Variants in DIP2B observed in about 807,000 individuals in gnomAD.
DIP2B encodes DIP2 acetate--CoA ligase B (putative).
Under a neutral mutation model 198.0 loss-of-function variants are expected in DIP2B, and 76 were observed. The ratio of observed to expected loss-of-function variants is 0.38; its 90% confidence interval spans 0.32 to 0.46. The LOEUF (loss-of-function observed/expected upper bound fraction) is 0.46. Among genes scored for constraint, DIP2B ranks in the 20% least tolerant of loss-of-function variants. The pLI, the probability that DIP2B is intolerant of heterozygous loss-of-function variation, is 0.99. For missense variants in DIP2B, 1,559 were observed against 1,978.4 expected (o/e 0.79, Z 4.02); for synonymous variants, 701 against 739.1 (o/e 0.95, Z 0.84).
chr12:50,630,733 G>A (rs933994261), intron 2 of DIP2B, among the ~76,000 whole-genome samples: 3 of 135,918 alleles, frequency 2.2e-5, no homozygotes, highest in South Asian at 2.4e-4. Context: ...GTGCAATGGC[G>A]TGATCTCGGC....
intron 4 of DIP2B, among the ~76,000 whole-genome samples, chr12:50,664,280 G>A (rs1367891010): frequency 6.6e-6 from 1 of 152,184 alleles, no homozygotes; most frequent in Non-Finnish European, 1.5e-5. Context: ...GTTGGCATGG[G>A]AAATAATTTG....
intron 1 of DIP2B, among the ~76,000 whole-genome samples, chr12:50,520,675 CATAGCT>C (rs1958109362): frequency 6.6e-6 from 1 of 152,144 alleles, no homozygotes; most frequent in Admixed American, 6.6e-5. Flanking sequence ...ACCCCTATAT[CATAGCT>C]ATTTTTAAAA....
intron 1 of DIP2B, among the ~76,000 whole-genome samples, chr12:50,591,699 G>A (rs779551598): frequency 6.6e-5 from 10 of 151,200 alleles, no homozygotes; most frequent in Non-Finnish European, 8.8e-5. Flanking sequence ...GACTAAAGCG[G>A]TCATCCCACC....
chr12:50,591,075 C>G (rs1958814656), intron 1 of DIP2B, among the ~76,000 whole-genome samples: 1 of 152,146 alleles, frequency 6.6e-6, no homozygotes, highest in Non-Finnish European at 1.5e-5. Context: ...GCAAGAGGGC[C>G]CTTACCAGAC....
At chr12:50,559,313 CTTTT>C (rs11301460) in intron 1 of DIP2B, among the ~76,000 whole-genome samples, 5 of 123,034 alleles carry the variant, frequency 4.1e-5, no homozygotes, top group Admixed American at 8.1e-5. Context: ...AATTATTTGT[CTTTT>C]TTTTTTTTTT....
intron 2 of DIP2B, among the ~76,000 whole-genome samples, chr12:50,633,089 T>C (rs902747838): frequency 1.3e-5 from 2 of 152,078 alleles, no homozygotes; most frequent in African/African-American, 2.4e-5. Flanking sequence ...TTGTGAATGA[T>C]TTTTTTTGTG....
chr12:50,739,774 A>G (rs1382957049), intron 36 of DIP2B, among the ~76,000 whole-genome samples, 188 bp downstream of exon 36: 1 of 152,214 alleles, frequency 6.6e-6, no homozygotes, highest in Non-Finnish European at 1.5e-5. Flanking sequence ...CTAAGAGGTG[A>G]GCGCTTGGGG....
In DIP2B at chr12:50,505,208, A is replaced by C; in HGVS notation, c.68A>C (p.Gln23Pro). Residue 23 changes from glutamine (Q) to proline (P), a missense_variant, in exon 1 of 38, where the codon CAG (glutamine) becomes CCG (proline). Coordinates refer to ENST00000301180, the MANE Select transcript of DIP2B (RefSeq NM_173602.3). ...GCGCTGCCGCCTGAAGTGCGGGCGCAGCTGGCGGAGCTGGAGCTGGAGCTC... is the reference window on the plus strand; with the variant it reads ...GCGCTGCCGCCTGAAGTGCGGGCGCCGCTGGCGGAGCTGGAGCTGGAGCTC... ...VAALPPEVRAQLAELELELSE... is the reference protein window; with the variant it reads ...VAALPPEVRAPLAELELELSE... The C allele has an allele frequency of 1.3e-6, 2 of 1,518,154 alleles. No individual in the cohort carries two copies. The highest frequency in any genetic ancestry group is 8.8e-7 in the Non-Finnish European group (1 of 1,139,282). The allele number at this position is 1,518,154 out of a possible 1,614,324, so 94.0% of individuals were successfully genotyped here. A position where few individuals can be genotyped will look rare whatever the true frequency, so the allele number is the denominator to read the frequency against.
At chr12:50,719,273 A>C (rs1014224464) in intron 25 of DIP2B, among the ~76,000 whole-genome samples, 2 of 152,200 alleles carry the variant, frequency 1.3e-5, no homozygotes, top group African/African-American at 4.8e-5. Context: ...CGTCTTCTTT[A>C]TTCAGTTCTG....
chr12:50,562,006 T>C (rs1364144405), intron 1 of DIP2B, among the ~76,000 whole-genome samples: 1 of 152,254 alleles, frequency 6.6e-6, no homozygotes, highest in Non-Finnish European at 1.5e-5. Context: ...GTTTGTTATC[T>C]CTGTATTGAC....
At chr12:50,646,925 A>C (rs1254845289) in intron 3 of DIP2B, among the ~76,000 whole-genome samples, 1 of 152,042 alleles carries the variant, frequency 6.6e-6, no homozygotes, top group Non-Finnish European at 1.5e-5. Context: ...GTAGAAGGTA[A>C]GTTGAATTCA....
At chr12:50,696,068 C>T (rs1167718033) in intron 16 of DIP2B, 101 bp downstream of exon 16, 17 of 1,520,676 alleles carry the variant, frequency 1.1e-5, no homozygotes, top group Middle Eastern at 3.5e-4. Context: ...GAAAAACTCA[C>T]TCATTTAAGA....
intron 2 of DIP2B, among the ~76,000 whole-genome samples, chr12:50,636,563 T>C (rs1236479300): frequency 3.3e-5 from 5 of 152,220 alleles, no homozygotes. Flanking sequence ...GGAGAGGTAG[T>C]AGATCCAGCT....
chr12:50,561,588 A>G (rs1958519759), intron 1 of DIP2B, among the ~76,000 whole-genome samples: 1 of 151,976 alleles, frequency 6.6e-6, no homozygotes, highest in Non-Finnish European at 1.5e-5. Flanking sequence ...TGCTGTCTAT[A>G]ATTTTTGCAT....
intron 4 of DIP2B, among the ~76,000 whole-genome samples, chr12:50,669,774 A>G (rs754255918): frequency 2.0e-5 from 3 of 152,094 alleles, no homozygotes; most frequent in Non-Finnish European, 1.5e-5. Context: ...TTTGACTTCT[A>G]GATTAGATGA....
chr12:50,622,846 A>G (rs1937841096), intron 1 of DIP2B, among the ~76,000 whole-genome samples: 1 of 151,596 alleles, frequency 6.6e-6, no homozygotes, highest in African/African-American at 2.4e-5. Flanking sequence ...TCCTGACCTT[A>G]GGTGATCTGC....
At chr12:50,511,946 CAAAAA>C (rs1294473966) in intron 1 of DIP2B, among the ~76,000 whole-genome samples, 2 of 26,538 alleles carry the variant, frequency 7.5e-5, no homozygotes, top group African/African-American at 1.7e-4. Flanking sequence ...GACTCCGTCT[CAAAAA>C]AAAAAAAAAA....
chr12:50,629,053 AT>A (rs112085438), intron 2 of DIP2B, among the ~76,000 whole-genome samples: 3 of 150,432 alleles, frequency 2.0e-5, no homozygotes, highest in Non-Finnish European at 4.4e-5. Context: ...TAATTTTTGT[AT>A]TTTTTTTTGT....
intron 1 of DIP2B, among the ~76,000 whole-genome samples, chr12:50,560,885 TTCTTA>T (rs1958514339): frequency 6.6e-6 from 1 of 152,254 alleles, no homozygotes; most frequent in Non-Finnish European, 1.5e-5. Context: ...GTGGTTTAAT[TTCTTA>T]TCTTTGACAG....
Sources: allele counts gnomAD v4.1 joint callset (sites outside exome capture counted in the v4.1 genomes callset), GRCh38; gene constraint gnomAD v4.1.1; transcripts MANE v1.5; gene names NCBI Gene and HGNC (gene_info 2026-07-23, HGNC 2026-07-21).